TASP1: variants seen among roughly 807,000 people sequenced by gnomAD.
The protein encoded by TASP1 is taspase 1.
A neutral mutation model predicts 56.6 loss-of-function variants in TASP1; 16 were observed. That is an observed-to-expected ratio of 0.28 (90% CI 0.19 to 0.43). The LOEUF is 0.43. Ranked by LOEUF, TASP1 falls within the 20% of genes least tolerant of loss-of-function variation. The pLI, the probability that TASP1 is intolerant of heterozygous loss-of-function variation, is 1.00. For synonymous variants in TASP1, 179 were observed against 184.2 expected, an observed-to-expected ratio of 0.97 and a Z score of 0.23; for missense variants, 393 against 511.6, an observed-to-expected ratio of 0.77 and a Z score of 2.24.
the TASP1 span, among the ~76,000 whole-genome samples, chr20:13,343,168 G>T: frequency 1.3e-5 from 2 of 152,150 alleles, no homozygotes; most frequent in Non-Finnish European, 2.9e-5. Context: ...TGGGCAAAAT[G>T]AGAAATTCCT....
chr20:13,193,105 T>C, the TASP1 span, among the ~76,000 whole-genome samples: 1 of 152,144 alleles, frequency 6.6e-6, no homozygotes, highest in Non-Finnish European at 1.5e-5. Flanking sequence ...TTCGGTATAA[T>C]TAATATGCTA....
the TASP1 span, among the ~76,000 whole-genome samples, chr20:13,148,377 T>C: frequency 6.6e-6 from 1 of 151,990 alleles, no homozygotes; most frequent in Non-Finnish European, 1.5e-5. Context: ...AACAGACAGG[T>C]CATCAGCCAA....
At chr20:13,173,648 C>A in the TASP1 span, among the ~76,000 whole-genome samples, 1 of 152,096 alleles carries the variant, frequency 6.6e-6, no homozygotes, top group South Asian at 2.1e-4. Context: ...ATATGCTCCT[C>A]AGGATATGAA....
At chr20:13,246,973 G>A in the TASP1 span, among the ~76,000 whole-genome samples, 1 of 151,966 alleles carries the variant, frequency 6.6e-6, no homozygotes, top group African/African-American at 2.4e-5. Context: ...CAGTGGCTCA[G>A]GCCTGTAATC....
intron 13 of TASP1, among the ~76,000 whole-genome samples, chr20:13,404,507 G>C (rs111427411): frequency 7.9e-5 from 12 of 152,294 alleles, no homozygotes; most frequent in African/African-American, 2.9e-4. Context: ...TTGGGGAGCT[G>C]ATGCAAGAGG....
intron 10 of TASP1, among the ~76,000 whole-genome samples, chr20:13,523,357 C>T (rs1181369656): frequency 6.6e-6 from 1 of 152,164 alleles, no homozygotes; most frequent in Non-Finnish European, 1.5e-5. Context: ...GCAATGACCA[C>T]ATGGCATTTG....
the TASP1 span, among the ~76,000 whole-genome samples, chr20:13,137,304 T>A: frequency 6.6e-6 from 1 of 152,164 alleles, no homozygotes; most frequent in Non-Finnish European, 1.5e-5. Context: ...GGCTGTAGAA[T>A]TCTACTTGCA....
chr20:13,331,586 G>A, the TASP1 span, among the ~76,000 whole-genome samples: 1 of 151,888 alleles, frequency 6.6e-6, no homozygotes. Flanking sequence ...CATAATTCCT[G>A]TGATTTGTGC....
chr20:13,464,122 T>C (rs899756320), intron 11 of TASP1, among the ~76,000 whole-genome samples: 4 of 152,322 alleles, frequency 2.6e-5, no homozygotes, highest in East Asian at 1.9e-4. Flanking sequence ...TTGTATCTCC[T>C]GCTCCCCAAA....
chr20:13,239,209 T>C, the TASP1 span: 6 of 152,232 alleles, frequency 3.9e-5, no homozygotes, highest in East Asian at 1.2e-3. Context: ...CAGGAAAAAA[T>C]CTGTGGCAGA....
the TASP1 span, among the ~76,000 whole-genome samples, chr20:13,243,377 G>A: frequency 1.8e-4 from 27 of 152,224 alleles, no homozygotes; most frequent in African/African-American, 5.5e-4. Context: ...CCTTTGATGC[G>A]GGATGACTTG....
At chr20:13,540,539 A>C (rs1470329098) in intron 8 of TASP1, among the ~76,000 whole-genome samples, 2 of 152,214 alleles carry the variant, frequency 1.3e-5, no homozygotes, top group Non-Finnish European at 2.9e-5. Flanking sequence ...TATTGTCAAT[A>C]CTGGAAGATT....
intron 10 of TASP1, among the ~76,000 whole-genome samples, chr20:13,485,110 C>A (rs375347491): frequency 2.6e-5 from 4 of 152,158 alleles, no homozygotes; most frequent in African/African-American, 9.6e-5. Context: ...GCACATGTAT[C>A]CCAAAACTTA....
At chr20:13,447,558 T>A (rs931217955) in intron 11 of TASP1, among the ~76,000 whole-genome samples, 8 of 152,134 alleles carry the variant, frequency 5.3e-5, no homozygotes, top group African/African-American at 1.9e-4. Context: ...TGCTGCCATC[T>A]GCTTCAGACT....
the TASP1 span, among the ~76,000 whole-genome samples, chr20:13,226,805 C>T: frequency 6.6e-6 from 1 of 152,100 alleles, no homozygotes; most frequent in African/African-American, 2.4e-5. Context: ...GTTTGCACAA[C>T]TTCATTTCAG....
intron 11 of TASP1, among the ~76,000 whole-genome samples, chr20:13,440,890 A>G (rs1049160824): frequency 6.6e-6 from 1 of 152,124 alleles, no homozygotes; most frequent in East Asian, 1.9e-4. Context: ...ATTTGTAGCA[A>G]TGCCTCTCAG....
chr20:13,295,985 G>A, the TASP1 span, among the ~76,000 whole-genome samples: 142 of 152,330 alleles, frequency 9.3e-4, no homozygotes, highest in African/African-American at 3.0e-3. Context: ...CTGGTGTCAC[G>A]TGCTCCTTGA....
At chr20:13,434,868 T>C (rs1015587521) in intron 12 of TASP1, among the ~76,000 whole-genome samples, 176 bp downstream of exon 12, 1 of 152,188 alleles carries the variant, frequency 6.6e-6, no homozygotes, top group African/African-American at 2.4e-5. Flanking sequence ...AAATGAACAT[T>C]CATCTTTTAC....
At chr20:13,220,094 G>A in the TASP1 span, among the ~76,000 whole-genome samples, 3 of 152,158 alleles carry the variant, frequency 2.0e-5, no homozygotes, top group Admixed American at 6.5e-5. Context: ...ACGCGGCTGT[G>A]TGCGAACGCG....
Sources: gnomAD v4.1 joint callset for allele counts (sites outside exome capture counted in the v4.1 genomes callset) on GRCh38, gnomAD v4.1.1 for gene constraint, MANE v1.5 for transcripts, NCBI Gene and HGNC (gene_info 2026-07-23, HGNC 2026-07-21) for gene names.